BPIFB1: variants seen among roughly 807,000 people sequenced by gnomAD.
The protein encoded by BPIFB1 is BPI fold containing family B member 1, also known as BPI fold-containing family B member 1.
Under a neutral mutation model 55.1 loss-of-function variants are expected in BPIFB1, and 34 were observed. The observed-to-expected ratio is 0.62, with a 90% confidence interval of 0.47 to 0.82. The LOEUF (loss-of-function observed/expected upper bound fraction) is 0.82. BPIFB1 is among the 40% of genes least tolerant of loss of function. BPIFB1 has a pLI of 0.00. For synonymous variants in BPIFB1, 236 were observed against 245.3 expected (o/e 0.96, Z 0.35); for missense variants, 532 against 593.1 (o/e 0.90, Z 1.07).
intron 6 of BPIFB1, among the ~76,000 whole-genome samples, chr20:33,294,216 A>G (rs1359771401): frequency 6.6e-6 from 1 of 152,234 alleles, no homozygotes; most frequent in African/African-American, 2.4e-5. Context: ...TAAGATCTTA[A>G]AAGGTTAATT....
At chr20:33,302,118 G>T (rs1450185050) in intron 9 of BPIFB1, among the ~76,000 whole-genome samples, 1 of 152,134 alleles carries the variant, frequency 6.6e-6, no homozygotes, top group Non-Finnish European at 1.5e-5. Context: ...AGATCAGGAA[G>T]CTGCCCCCAG....
chr20:33,296,529 G>A (rs977571136), intron 6 of BPIFB1, among the ~76,000 whole-genome samples: 2 of 152,192 alleles, frequency 1.3e-5, no homozygotes, highest in African/African-American at 4.8e-5. Flanking sequence ...GGTTAGGTTA[G>A]GTCAGAGTTT....
At chr20:33,306,089 C>T (rs370578517) in intron 14 of BPIFB1, 24 bp downstream of exon 14, 3 of 1,613,212 alleles carry the variant, frequency 1.9e-6, no homozygotes, top group African/African-American at 2.7e-5. Flanking sequence ...CCATCTGTGC[C>T]CCCTCTCTCC....
At chr20:33,284,380 G>T (rs1333611443) in intron 1 of BPIFB1, among the ~76,000 whole-genome samples, 1 of 152,108 alleles carries the variant, frequency 6.6e-6, no homozygotes, top group East Asian at 1.9e-4. Flanking sequence ...TTCTTTCGGG[G>T]CTTCCAGAGG....
chr20:33,306,146 C>A, intron 14 of BPIFB1, 81 bp downstream of exon 14: 1 of 1,461,010 alleles, frequency 6.8e-7, no homozygotes, highest in Non-Finnish European at 9.6e-7. Context: ...ATGAATGGGG[C>A]CCCTTTCATT....
At chr20:33,305,940 A>T (rs1981010698) in intron 13 of BPIFB1, 62 bp from the exon 14 acceptor site, 1 of 1,580,096 alleles carries the variant, frequency 6.3e-7, no homozygotes, top group Non-Finnish European at 8.7e-7. Flanking sequence ...ACCCACGAAG[A>T]ATGATGGGGG....
At chr20:33,290,736 G>C (rs577292411) in intron 4 of BPIFB1, among the ~76,000 whole-genome samples, 1 of 152,346 alleles carries the variant, frequency 6.6e-6, no homozygotes, top group South Asian at 2.1e-4. Flanking sequence ...GGGGGCTGGG[G>C]GTAAGTTTGG....
At chr20:33,299,188 C>T (rs1375979932) in intron 7 of BPIFB1, 1 of 456,606 alleles carries the variant, frequency 2.2e-6, no homozygotes, top group Non-Finnish European at 4.4e-6. Flanking sequence ...GCTGGCTCCT[C>T]CGCTGCCCCG....
Position 33,289,484 on chromosome 20 carries a change from G to A in BPIFB1, c.258-401G>A, listed in dbSNP as rs544066492. Among the ~76,000 whole-genome samples, 18 of 152,226 alleles carry A rather than the reference G, an allele frequency of 1.2e-4. No homozygotes were observed. The East Asian group carries it at 3.5e-3, about 29-fold the overall frequency. ...GCTTCTCACTGGAGGTGACAGTGGA[G>A]CCGATGACTCAATGCTCACCAGGAG... On this transcript the variant is annotated intron_variant, in intron 3 of 15. Coordinates refer to ENST00000253354, the MANE Select transcript of BPIFB1 (RefSeq NM_033197.3).
intron 11 of BPIFB1, among the ~76,000 whole-genome samples, chr20:33,303,723 G>A (rs569499281): frequency 5.3e-5 from 8 of 152,128 alleles, no homozygotes; most frequent in Non-Finnish European, 7.4e-5. Flanking sequence ...CGTCGTCATC[G>A]TCATCATTAT....
intron 15 of BPIFB1, among the ~76,000 whole-genome samples, chr20:33,308,192 A>G (rs577219184): frequency 3.4e-4 from 52 of 152,290 alleles, no homozygotes; most frequent in African/African-American, 1.2e-3. Flanking sequence ...CGAGAACAGC[A>G]CCAAGAGGAT....
At chr20:33,302,593 A>T in intron 10 of BPIFB1, 181 bp downstream of exon 10, 1 of 694,400 alleles carries the variant, frequency 1.4e-6, no homozygotes, top group East Asian at 2.7e-5. Context: ...AAATCATCAC[A>T]TGGATAGTAT....
chr20:33,288,603 T>G (rs963418924), intron 2 of BPIFB1, 138 bp from the exon 3 acceptor site: 2 of 997,376 alleles, frequency 2.0e-6, no homozygotes, highest in East Asian at 5.1e-5. Context: ...GGTCCTGACC[T>G]CCACCACAGT....
chr20:33,303,175 A>C, intron 11 of BPIFB1, 101 bp downstream of exon 11: 217 of 1,449,614 alleles, frequency 1.5e-4, no homozygotes, highest in Non-Finnish European at 1.9e-4. Flanking sequence ...CACCACTCTC[A>C]TCACTTAGCA....
At chr20:33,302,874 TG>T (rs750891684) in intron 10 of BPIFB1, 41 bp from the exon 11 acceptor site, 1 of 1,605,984 alleles carries the variant, frequency 6.2e-7, no homozygotes, top group Admixed American at 1.7e-5. Context: ...TGGGCCATGG[TG>T]GGCACTTGGG....
chr20:33,296,265 G>T (rs559059430), intron 6 of BPIFB1, among the ~76,000 whole-genome samples: 54 of 152,138 alleles, frequency 3.5e-4, no homozygotes, highest in Non-Finnish European at 6.8e-4. Flanking sequence ...TGAGAAACAG[G>T]CTCCCCTGGC....
At chr20:33,288,564 T>C (rs1323155619) in intron 2 of BPIFB1, among the ~76,000 whole-genome samples, 177 bp from the exon 3 acceptor site, 5 of 151,308 alleles carry the variant, frequency 3.3e-5, no homozygotes, top group African/African-American at 1.2e-4. Context: ...TCCTCAAGGC[T>C]ACATCTACAC....
chr20:33,306,487 G>A (rs1981029608), intron 14 of BPIFB1: 1 of 318,830 alleles, frequency 3.1e-6, no homozygotes, highest in Non-Finnish European at 5.9e-6. Flanking sequence ...GCACAAATCA[G>A]GAGGTGCCTG....
chr20:33,290,602 A>T (rs1175426403), intron 4 of BPIFB1, among the ~76,000 whole-genome samples: 1 of 152,176 alleles, frequency 6.6e-6, no homozygotes, highest in East Asian at 1.9e-4. Flanking sequence ...TTCTGCCTGC[A>T]CCACTGGCAG....
Sources: gnomAD v4.1 joint callset for allele counts (sites outside exome capture counted in the v4.1 genomes callset) on GRCh38, gnomAD v4.1.1 for gene constraint, MANE v1.5 for transcripts, NCBI Gene and HGNC (gene_info 2026-07-23, HGNC 2026-07-21) for gene names.